Variants in TJP1 observed in about 807,000 individuals in gnomAD.
TJP1 encodes the protein tight junction protein ZO-1.
Under a neutral mutation model 194.2 loss-of-function variants are expected in TJP1, and 43 were observed. That is an observed-to-expected ratio of 0.22 (90% CI 0.17 to 0.29). The LOEUF is 0.29. Among genes scored for constraint, TJP1 ranks in the 10% least tolerant of loss-of-function variants. The probability of loss-of-function intolerance (pLI) is 1.00; values close to 1 mark genes in which losing one functional copy is unlikely to be tolerated. For missense variants in TJP1, 1,971 were observed against 2,185.7 expected, an observed-to-expected ratio of 0.90 and a Z score of 1.96; for synonymous variants, 801 against 779.0, an observed-to-expected ratio of 1.03 and a Z score of -0.47.
At chr15:29,714,714 T>C (rs957582467) in intron 23 of TJP1, among the ~76,000 whole-genome samples, 1 of 151,086 alleles carries the variant, frequency 6.6e-6, no homozygotes, top group African/African-American at 2.4e-5. Flanking sequence ...CTGATTTTTT[T>C]GTATTTTTAG....
intron 18 of TJP1, among the ~76,000 whole-genome samples, chr15:29,725,634 C>T (rs1321217391): frequency 6.6e-6 from 1 of 151,396 alleles, no homozygotes; most frequent in African/African-American, 2.4e-5. Flanking sequence ...ACTCTCCAGA[C>T]AAAATAAACA....
chr15:29,848,438 G>A (rs2051503863), intron 2 of TJP1, among the ~76,000 whole-genome samples: 1 of 152,162 alleles, frequency 6.6e-6, no homozygotes, highest in Non-Finnish European at 1.5e-5. Context: ...GTTATATTAA[G>A]CATATCTTAA....
intron 11 of TJP1, among the ~76,000 whole-genome samples, chr15:29,735,239 A>T (rs2043949259): frequency 6.6e-6 from 1 of 152,018 alleles, no homozygotes; most frequent in African/African-American, 2.4e-5. Context: ...CTAGAAACAA[A>T]AAAACCTGAC....
At chr15:29,774,695 CG>C (rs1431329616) in intron 2 of TJP1, among the ~76,000 whole-genome samples, 2 of 151,316 alleles carry the variant, frequency 1.3e-5, no homozygotes, top group Non-Finnish European at 2.9e-5. Context: ...TCACACAACT[CG>C]GAACACGCTA....
intron 18 of TJP1, among the ~76,000 whole-genome samples, chr15:29,722,559 C>T (rs1050313498): frequency 1.2e-4 from 19 of 152,182 alleles, no homozygotes; most frequent in South Asian, 4.1e-4. Flanking sequence ...GCTGCAGGAG[C>T]GGAGCCCTCA....
At chr15:29,923,159 A>G (rs1344140582) in intron 2 of TJP1, among the ~76,000 whole-genome samples, 1 of 152,142 alleles carries the variant, frequency 6.6e-6, no homozygotes, top group East Asian at 1.9e-4. Flanking sequence ...CACCAAATCT[A>G]TTTCTAGAAA....
At chr15:29,761,452 T>C (rs764257631) in intron 7 of TJP1, 149 bp downstream of exon 7, 28 of 1,269,314 alleles carry the variant, frequency 2.2e-5, no homozygotes, top group Non-Finnish European at 2.9e-5. Flanking sequence ...TGGTGAGTTG[T>C]CTACAGGAAA....
At position 29,719,980 on chromosome 15, in the gene TJP1, G is replaced by T. The variant is rs1313872184; in HGVS notation, c.2800C>A (p.Pro934Thr). The T allele has an allele frequency of 6.8e-6, 11 of 1,613,974 alleles. No homozygotes were observed. Among genetic ancestry groups the T allele is most frequent in the Non-Finnish European group, 8.5e-6 (10 of 1,180,018 alleles). Reference sequence around the variant, plus strand: ...GTTGATGATGCTGGGTTTGTTTCAGGCGAAAGGTAAGGGACTGGAGATGAA... The same window carrying T: ...GTTGATGATGCTGGGTTTGTTTCAGTCGAAAGGTAAGGGACTGGAGATGAA... ...EASSPVPYLS[P>T]ETNPASSTSA... The change falls in exon 20 of 28, where the codon CCT becomes ACT. Residue 934 changes from proline to threonine, a missense_variant. Coordinates refer to ENST00000614355, the MANE Select transcript of TJP1 (RefSeq NM_001330239.4).
chr15:29,721,112 TG>T, intron 18 of TJP1, among the ~76,000 whole-genome samples: 1 of 152,312 alleles, frequency 6.6e-6, no homozygotes, highest in African/African-American at 2.4e-5. Context: ...GAATAGCACA[TG>T]GAAGAATACC....
At chr15:29,875,551 G>T (rs1195379285) in intron 2 of TJP1, among the ~76,000 whole-genome samples, 2 of 151,986 alleles carry the variant, frequency 1.3e-5, no homozygotes, top group African/African-American at 4.8e-5. Context: ...TGTGGGTTTT[G>T]GTTCTTCATA....
At chr15:29,761,000 A>G (rs1595792745) in intron 8 of TJP1, 139 bp downstream of exon 8, 3 of 1,121,816 alleles carry the variant, frequency 2.7e-6, no homozygotes, top group East Asian at 5.5e-5. Context: ...GATTTAAAAA[A>G]TGTCTAAGTT....
chr15:29,940,889 C>T (rs1057098047), intron 2 of TJP1, among the ~76,000 whole-genome samples: 3 of 152,084 alleles, frequency 2.0e-5, no homozygotes, highest in Non-Finnish European at 4.4e-5. Context: ...CCCACCCTCG[C>T]CCCTGCCCCG....
chr15:29,737,155 A>T (rs1463749630), intron 11 of TJP1, 109 bp downstream of exon 11: 2 of 1,354,070 alleles, frequency 1.5e-6, no homozygotes, highest in Admixed American at 4.1e-5. Flanking sequence ...GGCTCAATGG[A>T]GACTGCTTAC....
At chr15:29,732,931 T>A in intron 13 of TJP1, 116 bp from the exon 14 acceptor site, 1 of 1,238,790 alleles carries the variant, frequency 8.1e-7, no homozygotes, top group Non-Finnish European at 1.1e-6. Flanking sequence ...GTTTAAATCT[T>A]AATGGTTATA....
chr15:29,968,851 G>T, exon 1 of TJP1: 1 of 687,082 alleles, frequency 1.5e-6, no homozygotes, highest in Non-Finnish European at 1.9e-6. Flanking sequence ...GATCAGCTCT[G>T]GGCCATCCGC....
chr15:29,705,565 C>G lies in TJP1; in HGVS notation c.5031G>C (p.Arg1677=). The change falls in exon 26 of 28, where the codon CGG becomes CGC. Residue 1677 remains arginine (R), a synonymous_variant. Coordinates refer to ENST00000614355, the MANE Select transcript of TJP1 (RefSeq NM_001330239.4). ...VEQEIYFKVC[R]DNSILPPLDK... The stretch of plus-strand genomic sequence containing the variant: ...CTAAAGGTGGAAGGATGCTGTTGTC[C>G]CGGCAGACCTTGAAATAGATTTCCT... 1 of 1,614,160 alleles carries G rather than the reference C, an allele frequency of 6.2e-7. No homozygotes were observed. The highest frequency in any genetic ancestry group is 8.5e-7 in the Non-Finnish European group (1 of 1,180,032).
intron 2 of TJP1, among the ~76,000 whole-genome samples, chr15:29,926,894 A>T (rs2054543999): frequency 6.6e-6 from 1 of 152,220 alleles, no homozygotes; most frequent in Non-Finnish European, 1.5e-5. Flanking sequence ...ATAAAAAGAA[A>T]AACTCTTGCC....
chr15:29,741,029 C>A, intron 10 of TJP1: 3 of 200,344 alleles, frequency 1.5e-5, no homozygotes, highest in Non-Finnish European at 2.0e-5. Context: ...TTTAATGCTC[C>A]ATTGGAAAGC....
chr15:29,749,135 A>C (rs2045059291), intron 8 of TJP1, among the ~76,000 whole-genome samples: 1 of 150,158 alleles, frequency 6.7e-6, no homozygotes, highest in African/African-American at 2.5e-5. Context: ...GAAGGGTAAG[A>C]CGAGTTTCTG....
Sources: allele counts gnomAD v4.1 joint callset (sites outside exome capture counted in the v4.1 genomes callset), GRCh38; gene constraint gnomAD v4.1.1; transcripts MANE v1.5; gene names NCBI Gene and HGNC (gene_info 2026-07-23, HGNC 2026-07-21).